The following TIAM1 variants were observed in gnomAD, a reference collection of about 807,000 sequenced individuals.
TIAM1 encodes rho guanine nucleotide exchange factor TIAM1.
TIAM1 carries 65 observed loss-of-function variants against 163.5 expected under a neutral mutation model. The observed-to-expected ratio is 0.40, with a 90% CI of 0.33 to 0.49. The LOEUF is 0.49. Among genes scored for constraint, TIAM1 ranks in the 20% least tolerant of loss-of-function variants. TIAM1 has a pLI of 0.77. For synonymous variants in TIAM1, 833 were observed against 810.1 expected (o/e 1.03, Z -0.48); for missense variants, 1,789 against 2,044.7 (o/e 0.87, Z 2.41).
At chr21:31,225,617 C>T (rs981044521) in intron 7 of TIAM1, 109 bp downstream of exon 7, 9 of 847,860 alleles carry the variant, frequency 1.1e-5, no homozygotes, top group Middle Eastern at 2.7e-4. Flanking sequence ...GACAGGCTGT[C>T]GAGGAGATAT....
intron 1 of TIAM1, among the ~76,000 whole-genome samples, chr21:31,508,083 A>G (rs73345625): frequency 0.032 from 4,846 of 152,320 alleles, 259 homozygotes; most frequent in African/African-American, 0.11. Flanking sequence ...AGGGACAGGA[A>G]GGACGCAGCT....
chr21:31,293,648 G>A (rs921148638), intron 2 of TIAM1, among the ~76,000 whole-genome samples: 2 of 152,242 alleles, frequency 1.3e-5, no homozygotes, highest in African/African-American at 4.8e-5. Context: ...GTGCTCTGAA[G>A]GGAGGTCAGC....
In TIAM1 at chr21:31,223,741, T is replaced by C. The variant is rs2087768093; in HGVS notation, c.1810-150A>G. On this transcript the variant is annotated intron_variant, in intron 7 of 27. Transcript: ENST00000541036. ...GGTACCTAAGTTTCTTAGTTACTTA[T>C]GTTTCTTCTGCAAGATCTATAGCCA... 1.1e-5 allele frequency: 8 copies of C among 753,312 alleles called. No individual in the cohort carries two copies. The South Asian group carries it at 2.0e-4, about 19-fold the overall frequency. The allele number at this position is 753,312 out of a possible 1,614,324, so 46.7% of individuals were successfully genotyped here. A position where few individuals can be genotyped will look rare whatever the true frequency, so the allele number is the denominator to read the frequency against.
chr21:31,449,345 AAC>A (rs1458356808), intron 2 of TIAM1, among the ~76,000 whole-genome samples: 2 of 151,910 alleles, frequency 1.3e-5, no homozygotes, highest in East Asian at 1.9e-4. Context: ...TGCTCAAAAA[AAC>A]AGTCATAGTT....
intron 2 of TIAM1, among the ~76,000 whole-genome samples, chr21:31,310,854 AT>A (rs2074898309): frequency 6.6e-6 from 1 of 152,230 alleles, no homozygotes; most frequent in Admixed American, 6.5e-5. Flanking sequence ...ATTGAGGAAA[AT>A]CATGTAAGGC....
At chr21:31,409,782 T>TG (rs1227381266) in intron 2 of TIAM1, among the ~76,000 whole-genome samples, 16 of 152,174 alleles carry the variant, frequency 1.1e-4, no homozygotes, top group Non-Finnish European at 2.2e-4. Flanking sequence ...CCTCCCTCCC[T>TG]GGTGGGGGGC....
At chr21:31,346,560 A>G (rs766764818), upstream of TIAM1, among the ~76,000 whole-genome samples, 2 of 152,222 alleles carry the variant, frequency 1.3e-5, no homozygotes, top group Non-Finnish European at 2.9e-5. Flanking sequence ...AGAATCAGAG[A>G]TCGCGTACTT....
chr21:31,532,384 C>T (rs921743511), intron 1 of TIAM1, among the ~76,000 whole-genome samples: 1 of 152,180 alleles, frequency 6.6e-6, no homozygotes, highest in Admixed American at 6.5e-5. Flanking sequence ...GCCTCCCCCT[C>T]CGATGCTATG....
At chr21:31,419,009 T>G (rs1239877897) in intron 2 of TIAM1, among the ~76,000 whole-genome samples, 1 of 152,072 alleles carries the variant, frequency 6.6e-6, no homozygotes. Context: ...GCACCTCCCA[T>G]GGTCTCCACG....
chr21:31,142,918 G>A (rs2082922688), intron 20 of TIAM1, among the ~76,000 whole-genome samples: 1 of 152,154 alleles, frequency 6.6e-6, no homozygotes, highest in African/African-American at 2.4e-5. Flanking sequence ...GAGGTACCTG[G>A]CAGGGGATGA....
intron 2 of TIAM1, among the ~76,000 whole-genome samples, chr21:31,289,495 T>C (rs1284921338): frequency 1.3e-5 from 2 of 152,280 alleles, no homozygotes; most frequent in African/African-American, 4.8e-5. Context: ...GTGATTCAAT[T>C]AAGGCAAAAG....
chr21:31,140,282 T>C (rs1006420267), intron 22 of TIAM1, among the ~76,000 whole-genome samples: 1 of 152,122 alleles, frequency 6.6e-6, no homozygotes, highest in Non-Finnish European at 1.5e-5. Flanking sequence ...ACAGCAAGAG[T>C]GTTTTTCCTC....
intron 2 of TIAM1, among the ~76,000 whole-genome samples, chr21:31,379,607 A>G (rs1210294142): frequency 6.6e-6 from 1 of 152,218 alleles, no homozygotes; most frequent in Middle Eastern, 3.2e-3. Flanking sequence ...GTTATGGCCA[A>G]AAAGAAAAAT....
rs1287050706 is a variant in TIAM1 at position 31,395,608 on chromosome 21, C to T, written c.-368-56186G>A. Among the ~76,000 whole-genome samples, 1 of 152,212 alleles carries T rather than the reference C, an allele frequency of 6.6e-6. No individual in the cohort carries two copies. Among genetic ancestry groups the T allele is most frequent in the Non-Finnish European group, 1.5e-5 (1 of 68,034 alleles). On this transcript the variant is annotated intron_variant, in intron 2 of 28. Transcript: ENST00000286827. The surrounding 1 kb of genome is among the most constrained non-coding windows in gnomAD (Gnocchi z 7.5). Reference sequence around the variant, plus strand: ...TGAGAAAGCAGATTGCGTTACATTTCTCCACATAAATGAACTTACACAGAG... The same window carrying T: ...TGAGAAAGCAGATTGCGTTACATTTTTCCACATAAATGAACTTACACAGAG...
Position 31,383,869 on chromosome 21 carries a change from G to C in TIAM1, c.-368-44447C>G, listed in dbSNP as rs1374542449. 2.0e-5 allele frequency among the ~76,000 whole-genome samples: 3 copies of C among 152,144 alleles called. No homozygotes were observed. In the East Asian group the frequency reaches 5.8e-4, roughly 29 times the overall value. On this transcript the variant is annotated intron_variant, in intron 2 of 28. Coordinates refer to the TIAM1 transcript ENST00000286827. ...TTCCACTTTCCAGAGTGAAAACCTG[G>C]AACGGAAAATGAAACGATGTTTCCA...
At chr21:31,285,268 G>T (rs780881806) in intron 2 of TIAM1, among the ~76,000 whole-genome samples, 9 of 151,530 alleles carry the variant, frequency 5.9e-5, no homozygotes, top group South Asian at 2.1e-4. Context: ...AAGAGCTTGT[G>T]GGGGGGGCGG....
chr21:31,503,612 A>AG (rs1390876774), intron 1 of TIAM1, among the ~76,000 whole-genome samples: 2 of 2,064 alleles, frequency 9.7e-4, no homozygotes, highest in Non-Finnish European at 1.9e-3. Flanking sequence ...AGGGGAGGGG[A>AG]GGGACCTGAA....
At chr21:31,252,920 G>A (rs2071894363) in intron 4 of TIAM1, among the ~76,000 whole-genome samples, 1 of 152,246 alleles carries the variant, frequency 6.6e-6, no homozygotes, top group Non-Finnish European at 1.5e-5. Flanking sequence ...GGGATGCTAG[G>A]AGCCTTGGGC....
At position 31,552,464 on chromosome 21, in the gene TIAM1, G is replaced by A. The variant is rs187338342; in HGVS notation, c.-422+6463C>T. ...CCTACTACAAAGGTAGCTGAGAGAT[G>A]TAGGCTGGATCCTTAACAAGAAACC... On this transcript the variant is annotated intron_variant, in intron 1 of 28. Coordinates refer to the TIAM1 transcript ENST00000286827. Among the ~76,000 whole-genome samples the A allele has an allele frequency of 1.7e-3, 266 of 152,268 alleles. 3 individuals carry two copies. The highest frequency in any genetic ancestry group is 2.1e-4 in the South Asian group (1 of 4,826).
Sources: gnomAD v4.1 joint callset for allele counts (sites outside exome capture counted in the v4.1 genomes callset) on GRCh38, gnomAD v4.1.1 for gene constraint, Gnocchi (gnomAD v3.1) non-coding constraint, MANE v1.5 for transcripts, NCBI Gene and HGNC (gene_info 2026-07-23, HGNC 2026-07-21) for gene names.